Variants in GALK2 observed in about 807,000 individuals in gnomAD.
The protein encoded by GALK2 is N-acetylgalactosamine kinase.
A neutral mutation model predicts 52.4 loss-of-function variants in GALK2; 36 were observed. The ratio of observed to expected loss-of-function variants is 0.69; its 90% CI spans 0.53 to 0.91. The LOEUF (loss-of-function observed/expected upper bound fraction) is 0.91. Ranked by LOEUF, GALK2 falls within the 40% of genes least tolerant of loss-of-function variation. The probability of loss-of-function intolerance (pLI) is 0.00; values close to 1 mark genes in which losing one functional copy is unlikely to be tolerated. For synonymous variants in GALK2, 176 were observed against 199.1 expected (o/e 0.88, Z 0.98); for missense variants, 579 against 559.1 (o/e 1.04, Z -0.36).
intron 2 of GALK2, among the ~76,000 whole-genome samples, chr15:49,211,157 T>C (rs1055669684): frequency 1.1e-4 from 16 of 152,234 alleles, no homozygotes; most frequent in Admixed American, 9.2e-4. Flanking sequence ...ACATCTTGAA[T>C]GCTTTGCTGC....
chr15:49,278,379 T>G (rs1052797014), intron 5 of GALK2, among the ~76,000 whole-genome samples: 3 of 152,260 alleles, frequency 2.0e-5, no homozygotes, highest in African/African-American at 7.2e-5. Context: ...CTTTAAATTC[T>G]CTTTCCCTGA....
At chr15:49,213,393 G>T (rs909559624) in intron 2 of GALK2, among the ~76,000 whole-genome samples, 3 of 152,068 alleles carry the variant, frequency 2.0e-5, no homozygotes. Context: ...TGCAGAATGT[G>T]TAGGTTTGAT....
intron 3 of GALK2, among the ~76,000 whole-genome samples, chr15:49,366,911 T>C (rs1253317713): frequency 6.6e-6 from 1 of 152,212 alleles, no homozygotes; most frequent in African/African-American, 2.4e-5. Context: ...AGAAAAGTTA[T>C]ACTGAAGATA....
chr15:49,217,334 G>T (rs777796174), intron 3 of GALK2, 21 bp downstream of exon 3: 1 of 1,612,048 alleles, frequency 6.2e-7, no homozygotes, highest in Non-Finnish European at 8.5e-7. Flanking sequence ...AAAATTGTTA[G>T]TGTGTGTGTA....
At chr15:49,184,747 A>T (rs1204195562) in intron 1 of GALK2, among the ~76,000 whole-genome samples, 1 of 152,220 alleles carries the variant, frequency 6.6e-6, no homozygotes, top group Non-Finnish European at 1.5e-5. Flanking sequence ...GAGAAAACTA[A>T]TAACACTTCA....
intron 1 of GALK2, among the ~76,000 whole-genome samples, chr15:49,173,663 T>G (rs940333728): frequency 6.6e-5 from 10 of 151,560 alleles, no homozygotes; most frequent in Middle Eastern, 3.4e-3. Context: ...ATTATATTTG[T>G]TTTTTTTTAC....
chr15:49,340,725 A>G (rs2151221276), intron 3 of GALK2, among the ~76,000 whole-genome samples: 1 of 152,206 alleles, frequency 6.6e-6, no homozygotes, highest in East Asian at 1.9e-4. Context: ...TTTATTGACT[A>G]CGTTGATGTT....
At chr15:49,362,746 T>A (rs1307986559) in intron 3 of GALK2, among the ~76,000 whole-genome samples, 2 of 146,706 alleles carry the variant, frequency 1.4e-5, no homozygotes, top group Admixed American at 6.8e-5. Context: ...AGAGTTTTTT[T>A]AATAGGTTTA....
intron 3 of GALK2, chr15:49,344,043 T>TTAG (rs1367637810): frequency 1.3e-5 from 2 of 152,210 alleles, no homozygotes; most frequent in Admixed American, 1.3e-4. Context: ...CATTAACACA[T>TTAG]TAGTCCTCAA....
At chr15:49,201,030 A>G (rs1344370546) in intron 1 of GALK2, 132 bp from the exon 2 acceptor site, 4 of 463,278 alleles carry the variant, frequency 8.6e-6, no homozygotes. Context: ...TTTAAGGAAT[A>G]ATTAATGGTG....
rs188626096 is a variant in GALK2, at chr15:49,273,571, T to C, written c.505-8416T>C. 5.1e-3 allele frequency among the ~76,000 whole-genome samples: 769 copies of C among 152,172 alleles called. 12 individuals carry two copies. The highest frequency in any genetic ancestry group is 0.018 in the African/African-American group (731 of 41,548). On this transcript the variant is annotated intron_variant, in intron 5 of 9. Coordinates refer to ENST00000560031, the MANE Select transcript of GALK2 (RefSeq NM_002044.4). ...AATATTAGAACAGGCTTTTTTTTTT[T>C]TCCCTTACAAAGTGTCTGTAAGTTA...
rs2078024 is a variant in GALK2, at chr15:49,329,413, A to G, written c.*1254A>G. 225,553 of 984,322 alleles carry G rather than the reference A, an allele frequency of 0.23. 26,251 individuals are homozygous for G. Among genetic ancestry groups the G allele is most frequent in the Middle Eastern group, 0.28 (532 of 1,912 alleles). The allele number at this position is 984,322 out of a possible 1,614,324, so 61.0% of individuals were successfully genotyped here. A position where few individuals can be genotyped will look rare whatever the true frequency, so the allele number is the denominator to read the frequency against. ...ATGGTTTTATGGCATGAATTATCCA[A>G]AAAAATATCAGAATTACTTATTATT... On this transcript the variant is annotated 3_prime_UTR_variant, in exon 10 of 10. Transcript: ENST00000560031.
At chr15:49,259,742 A>T (rs1477753667) in intron 5 of GALK2, among the ~76,000 whole-genome samples, 2 of 28,810 alleles carry the variant, frequency 6.9e-5, no homozygotes, top group South Asian at 1.2e-3. Flanking sequence ...CCCCAACCCC[A>T]CCACAGTCCC....
At chr15:49,341,078 G>C (rs535388679) in intron 3 of GALK2, among the ~76,000 whole-genome samples, 1 of 152,256 alleles carries the variant, frequency 6.6e-6, no homozygotes, top group South Asian at 2.1e-4. Flanking sequence ...AGTTATAGGT[G>C]TGTGGCTTTA....
At chr15:49,334,583 AG>A (rs2039372088), downstream of GALK2, among the ~76,000 whole-genome samples, 1 of 151,456 alleles carries the variant, frequency 6.6e-6, no homozygotes, top group Non-Finnish European at 1.5e-5. Flanking sequence ...AAGCACAGGA[AG>A]TCTAAGGGAT....
rs551906675 is a variant in GALK2 at position 49,214,999 on chromosome 15, T to C, written c.143-2191T>C. Among the ~76,000 whole-genome samples, 217 of 152,344 alleles carry C rather than the reference T, an allele frequency of 1.4e-3. 1 individual carries two copies. The highest frequency in any genetic ancestry group is 5.1e-3 in the African/African-American group (211 of 41,578). The stretch of plus-strand genomic sequence containing the variant: ...AAGGATAATTTTACTGGAAATAATA[T>C]TCTAGTTCAAAAGTTGTTTTTCTTC... On this transcript the variant is annotated intron_variant, in intron 2 of 9. Coordinates refer to ENST00000560031, the MANE Select transcript of GALK2 (RefSeq NM_002044.4).
chr15:49,259,572 CT>C (rs748698380), intron 5 of GALK2, among the ~76,000 whole-genome samples: 3,587 of 129,480 alleles, frequency 0.028, 106 homozygotes, highest in South Asian at 0.087. Flanking sequence ...GCCACATTTT[CT>C]TTTTTTTTTT....
downstream of GALK2, among the ~76,000 whole-genome samples, chr15:49,334,938 CA>C (rs1320488786): frequency 6.6e-6 from 1 of 152,164 alleles, no homozygotes; most frequent in Non-Finnish European, 1.5e-5. Flanking sequence ...CATGACTGAC[CA>C]CAAGCAATTA....
At chr15:49,253,164 T>C (rs1266628628) in intron 5 of GALK2, among the ~76,000 whole-genome samples, 1 of 145,102 alleles carries the variant, frequency 6.9e-6, no homozygotes, top group Non-Finnish European at 1.5e-5. Flanking sequence ...TAATCACATA[T>C]AGCATAGGAT....
Sources: allele counts gnomAD v4.1 joint callset (sites outside exome capture counted in the v4.1 genomes callset), GRCh38; gene constraint gnomAD v4.1.1; transcripts MANE v1.5; gene names NCBI Gene and HGNC (gene_info 2026-07-23, HGNC 2026-07-21).